VAPA: variants seen among roughly 807,000 people sequenced by gnomAD.
The protein encoded by VAPA is VAMP associated protein A, also known as vesicle-associated membrane protein-associated protein A.
In VAPA, 6 loss-of-function variants were observed where a neutral mutation model predicts 25.6. The ratio of observed to expected loss-of-function variants is 0.23; its 90% CI spans 0.13 to 0.46. The LOEUF is 0.46. Among genes scored for constraint, VAPA ranks in the 20% least tolerant of loss-of-function variants. The pLI is 0.99. For synonymous variants in VAPA, 112 were observed against 106.2 expected (o/e 1.05, Z -0.34); for missense variants, 244 against 302.1 (o/e 0.81, Z 1.43).
At chr18:9,939,625 A>C (rs28871081) in intron 4 of VAPA, among the ~76,000 whole-genome samples, 10,130 of 146,548 alleles carry the variant, frequency 0.069, 373 homozygotes, top group Admixed American at 0.094. Flanking sequence ...TTGTGGTGCT[A>C]TTTAACCTTT....
chr18:9,941,374 T>C (rs2069364836), intron 4 of VAPA, among the ~76,000 whole-genome samples: 1 of 152,194 alleles, frequency 6.6e-6, no homozygotes, highest in Non-Finnish European at 1.5e-5. Flanking sequence ...CATCTCATCT[T>C]TTACAGAAAA....
In VAPA at chr18:9,943,046, T is replaced by C. The variant is rs1349234755; in HGVS notation, c.417+5980T>C. ...TGGAACACATGAAAAAAGAGTATGA[T>C]GTTATTTTGTTGATTTCTTTAGACT... On this transcript the variant is annotated intron_variant, in intron 4 of 5. Coordinates refer to ENST00000400000, the MANE Select transcript of VAPA (RefSeq NM_194434.3). Among the ~76,000 whole-genome samples the C allele has an allele frequency of 2.6e-5, 4 of 152,198 alleles. No individual in the cohort carries two copies. In the South Asian group the frequency reaches 6.2e-4, roughly 24 times the overall value.
chr18:9,942,932 A>G (rs1199731054), intron 4 of VAPA, among the ~76,000 whole-genome samples: 1 of 152,160 alleles, frequency 6.6e-6, no homozygotes, highest in East Asian at 1.9e-4. Context: ...GATCCAAACC[A>G]TATCAAGTAT....
intron 1 of VAPA, among the ~76,000 whole-genome samples, chr18:9,915,371 G>GGCTTTT (rs1455458655): frequency 6.6e-6 from 1 of 152,114 alleles, no homozygotes; most frequent in African/African-American, 2.4e-5. Context: ...GAATCCCAGG[G>GGCTTTT]GCTTTTGGTC....
intron 1 of VAPA, among the ~76,000 whole-genome samples, chr18:9,917,664 G>C (rs1395888565): frequency 6.6e-6 from 1 of 152,200 alleles, no homozygotes; most frequent in East Asian, 1.9e-4. Flanking sequence ...TTAATGATCA[G>C]AGAGAGACGA....
At chr18:9,936,002 G>A (rs577097979) in intron 2 of VAPA, 108 bp from the exon 3 acceptor site, 1 of 683,848 alleles carries the variant, frequency 1.5e-6, no homozygotes, top group Non-Finnish European at 2.2e-6. Context: ...TGCCAGATAC[G>A]GTTTAAGGCA....
At chr18:9,944,930 A>C in intron 4 of VAPA, 1 of 1,614,036 alleles carries the variant, frequency 6.2e-7, no homozygotes, top group Non-Finnish European at 8.5e-7. Flanking sequence ...TCAGGGTATA[A>C]CTCCACCAGG....
At chr18:9,935,622 G>A (rs897560523) in intron 2 of VAPA, among the ~76,000 whole-genome samples, 1 of 152,136 alleles carries the variant, frequency 6.6e-6, no homozygotes, top group Non-Finnish European at 1.5e-5. Flanking sequence ...AAGTTACTGA[G>A]TATTTCTCCT....
In VAPA at chr18:9,955,844, ATGCTGCATGCTTTACTGCCAT is replaced by A. The variant is rs1208055969; in HGVS notation, c.*1639_*1659del. On this transcript the variant is annotated 3_prime_UTR_variant, in exon 6 of 6. Coordinates refer to ENST00000400000, the MANE Select transcript of VAPA (RefSeq NM_194434.3). Reference sequence around the variant, plus strand: ...AATGCCTATCCATTACTAGCATGCTATGCTGCATGCTTTACTGCCATTGCTGTATGCTTTACTGTCTTTGTA... The same window carrying A: ...AATGCCTATCCATTACTAGCATGCTATGCTGTATGCTTTACTGTCTTTGTA... The A allele has an allele frequency of 2.0e-5, 3 of 152,184 alleles. No individual in the cohort carries two copies. Among genetic ancestry groups the A allele is most frequent in the Non-Finnish European group, 2.9e-5 (2 of 68,022 alleles). The allele number at this position is 152,184 out of a possible 1,614,324, so 9.4% of individuals were successfully genotyped here.
rs1364870740 is a variant in VAPA at position 9,957,482 on chromosome 18, T to G, written c.*3271T>G. On this transcript the variant is annotated 3_prime_UTR_variant, in exon 6 of 6. Transcript: ENST00000400000. ...AGTTTTTGAGGGTATTCCCAACTTG[T>G]GATCTTCTACCACTTTAGAGACATT... The G allele has an allele frequency of 6.6e-6, 1 of 152,218 alleles. No homozygotes were observed. The highest frequency in any genetic ancestry group is 2.1e-4 in the South Asian group (1 of 4,832). The allele number at this position is 152,218 out of a possible 1,614,324, so 9.4% of individuals were successfully genotyped here.
chr18:9,949,222 CAG>C (rs1446802187), intron 4 of VAPA: 29 of 152,230 alleles, frequency 1.9e-4, no homozygotes, highest in Admixed American at 9.2e-4. Flanking sequence ...GAGAAAAACT[CAG>C]AGAATTGAAG....
rs746545824 is a variant in VAPA at position 9,959,581 on chromosome 18, CTT to C, written c.*5372_*5373del. On this transcript the variant is annotated 3_prime_UTR_variant, in exon 6 of 6. Transcript: ENST00000400000. ...TAAAGCAAGAGTTTTTTATAATTGA[CTT>C]TGTGGTCTAAATTCTTGATACTGTT... The C allele has an allele frequency of 6.6e-6, 1 of 151,922 alleles. No homozygotes were observed. The highest frequency in any genetic ancestry group is 1.9e-4 in the East Asian group (1 of 5,188). 9.4% of individuals were successfully genotyped at this position (151,922 alleles called of 1,614,324 possible).
chr18:9,934,734 A>G (rs112281851), intron 2 of VAPA, among the ~76,000 whole-genome samples: 1 of 152,186 alleles, frequency 6.6e-6, no homozygotes, highest in Non-Finnish European at 1.5e-5. Flanking sequence ...AGTCTGTTAT[A>G]TTGGACTCAT....
chr18:9,954,021 A>G, intron 5 of VAPA, 32 bp from the exon 6 acceptor site: 7 of 1,610,192 alleles, frequency 4.3e-6, no homozygotes, highest in South Asian at 1.1e-5. Context: ...GCTTGTTTTT[A>G]AAAACCTTTT....
intron 1 of VAPA, among the ~76,000 whole-genome samples, chr18:9,921,039 C>G (rs1027299145): frequency 2.6e-5 from 4 of 152,160 alleles, no homozygotes; most frequent in Admixed American, 1.3e-4. Flanking sequence ...ACATATTCTC[C>G]CCTCCCAAAC....
intron 4 of VAPA, chr18:9,948,456 C>T (rs935722473): frequency 6.6e-6 from 1 of 151,878 alleles, no homozygotes; most frequent in Non-Finnish European, 1.5e-5. Context: ...ATGACTTTTT[C>T]CCTTCCCTCC....
intron 4 of VAPA, among the ~76,000 whole-genome samples, chr18:9,944,219 C>CAGGGATTTCAGGGGTCTTATAA (rs377295763): frequency 2.6e-5 from 4 of 151,910 alleles, no homozygotes; most frequent in Non-Finnish European, 4.4e-5. Flanking sequence ...CTGTAAAGAA[C>CAGGGATTTCAGGGGTCTTATAA]AGGGATTTCA....
At chr18:9,940,374 G>C (rs376577477) in intron 4 of VAPA, among the ~76,000 whole-genome samples, 1 of 152,106 alleles carries the variant, frequency 6.6e-6, no homozygotes, top group Non-Finnish European at 1.5e-5. Flanking sequence ...GGCCATTTCA[G>C]TGGGAGATGG....
chr18:9,937,129 T>G (rs973685603), intron 4 of VAPA, 63 bp downstream of exon 4: 7 of 1,424,968 alleles, frequency 4.9e-6, no homozygotes, highest in Non-Finnish European at 5.9e-6. Flanking sequence ...TGATTAATTT[T>G]GCTTTTATTT....
Sources: gnomAD v4.1 joint callset for allele counts (sites outside exome capture counted in the v4.1 genomes callset) on GRCh38, gnomAD v4.1.1 for gene constraint, MANE v1.5 for transcripts, NCBI Gene and HGNC (gene_info 2026-07-23, HGNC 2026-07-21) for gene names.